Variants in RNF39 observed in about 807,000 individuals in gnomAD.
RNF39 encodes the protein LTP (long-term potentiation) induced RING finger protein.
In RNF39, 25 loss-of-function variants were observed where a neutral mutation model predicts 29.2. The ratio of observed to expected loss-of-function variants is 0.86; its 90% CI spans 0.62 to 1.20. The LOEUF is 1.20. Ranked by LOEUF, RNF39 falls within the 50% of genes most tolerant of loss-of-function variation. The probability of loss-of-function intolerance (pLI) is 0.00; values close to 1 mark genes in which losing one functional copy is unlikely to be tolerated. For synonymous variants in RNF39, 219 were observed against 229.0 expected (o/e 0.96, Z 0.40); for missense variants, 519 against 515.0 (o/e 1.01, Z -0.08).
At chr6:30,073,956 A>G (rs996007710) in intron 1 of RNF39, among the ~76,000 whole-genome samples, 3 of 152,172 alleles carry the variant, frequency 2.0e-5, no homozygotes, top group African/African-American at 2.4e-5. Context: ...CCCTCGGGCT[A>G]AGAGTTGGTA....
At position 30,071,790 on chromosome 6, in the gene RNF39, T is replaced by A. The variant is rs200791004; in HGVS notation, c.479-99A>T. 1.1e-6 allele frequency: 1 copy of A among 894,896 alleles called. No homozygotes were observed. The highest frequency in any genetic ancestry group is 1.5e-6 in the Non-Finnish European group (1 of 688,822). The allele number at this position is 894,896 out of a possible 1,614,324, so 55.4% of individuals were successfully genotyped here. A position where few individuals can be genotyped will look rare whatever the true frequency, so the allele number is the denominator to read the frequency against. ...AGTCAACGAAGATCACGTAAAAGACTGAGAGCTAGTGACCACACAACAGCT... is the reference window on the plus strand; with the variant it reads ...AGTCAACGAAGATCACGTAAAAGACAGAGAGCTAGTGACCACACAACAGCT... On this transcript the variant is annotated intron_variant, in intron 3 of 3. Transcript: ENST00000244360. This position sits in a 1 kb window ranked among gnomAD's most constrained non-coding sequence, Gnocchi z 5.0.
Position 30,071,583 on chromosome 6 carries a change from G to A in RNF39, c.587C>T (p.Pro196Leu). 5 of 1,476,058 alleles carry A rather than the reference G, an allele frequency of 3.4e-6. No homozygotes were observed. Among genetic ancestry groups the A allele is most frequent in the Non-Finnish European group, 4.5e-6 (5 of 1,120,032 alleles). The allele number at this position is 1,476,058 out of a possible 1,614,324, so 91.4% of individuals were successfully genotyped here. ...AGCTGGGAGCTGATCGAAGCGCTTG[G>A]GGCCGTCAGGGGGCGCGGGCGTCCC... Reference protein sequence around the residue: ...PPGTPAPPDGPKRFDQLPAVL... With the variant: ...PPGTPAPPDGLKRFDQLPAVL... Residue 196 changes from proline to leucine, a missense_variant, in exon 4 of 4, where the codon CCC becomes CTC. Transcript: ENST00000244360. The surrounding 1 kb of genome is among the most constrained non-coding windows in gnomAD (Gnocchi z 5.0).
rs1018421216 is a variant in RNF39, at chr6:30,074,502, C to T, written c.363+721G>A. Among the ~76,000 whole-genome samples, 1 of 151,976 alleles carries T rather than the reference C, an allele frequency of 6.6e-6. No individual in the cohort carries two copies. Among genetic ancestry groups the T allele is most frequent in the Non-Finnish European group, 1.5e-5 (1 of 67,958 alleles). On this transcript the variant is annotated intron_variant, in intron 1 of 3. Transcript: ENST00000244360. This position sits in a 1 kb window ranked among gnomAD's most constrained non-coding sequence, Gnocchi z 4.1. ...CCCCAGCGGCTGTTCTCCCGCACCT[C>T]GCCTCCACCCCTGGCCGCTCCTGCC...
Position 30,071,130 on chromosome 6 carries a change from A to G in RNF39, c.1040T>C (p.Ile347Thr). 1 of 1,555,566 alleles carries G rather than the reference A, an allele frequency of 6.4e-7. No individual in the cohort carries two copies. The highest frequency in any genetic ancestry group is 8.7e-7 in the Non-Finnish European group (1 of 1,150,614). Reference protein sequence around the residue: ...CTCDPRAPLRIVPAES With the variant: ...CTCDPRAPLRTVPAES The stretch of plus-strand genomic sequence containing the variant: ...CGAGACTCAGCTTTCCGCTGGTACA[A>G]TGCGGAGCGGAGCACGAGGGTCGCA... The change falls in exon 4 of 4, where the codon ATT (isoleucine) becomes ACT (threonine). Residue 347 changes from isoleucine (I) to threonine (T), a missense_variant. By Grantham distance (89) the Ile-to-Thr change is moderately conservative. Transcript: ENST00000244360. The surrounding 1 kb of genome is among the most constrained non-coding windows in gnomAD (Gnocchi z 5.0).
chr6:30,071,497 C>T lies in RNF39; in HGVS notation c.673G>A (p.Ala225Thr), dbSNP rs765018847. 5.8e-6 allele frequency: 9 copies of T among 1,551,482 alleles called. No individual in the cohort carries two copies. The African/African-American group carries it at 9.6e-5, about 17-fold the overall frequency. The change falls in exon 4 of 4, where the codon GCC becomes ACC. Residue 225 changes from alanine to threonine, a missense_variant. Transcript: ENST00000244360. This position sits in a 1 kb window ranked among gnomAD's most constrained non-coding sequence, Gnocchi z 5.0. ...RHCWEVETAD[A>T]ASCRDSSGED... The stretch of plus-strand genomic sequence containing the variant: ...CCAGAAGAGTCTCTGCAGGAGGCGG[C>T]GTCCGCAGTCTCCACCTCCCAGCAG...
In RNF39 at chr6:30,075,733, T is replaced by C. The variant is rs1766393716; in HGVS notation, c.-148A>G. 6.2e-7 allele frequency: 1 copy of C among 1,614,218 alleles called. No individual in the cohort carries two copies. The highest frequency in any genetic ancestry group is 1.3e-5 in the African/African-American group (1 of 75,064). ...CTTTTGCCGCTTTCCGCCCCTCTCC[T>C]GGGATTGCCTCTCTCTTCAACCAGA... On this transcript the variant is annotated 5_prime_UTR_variant, in exon 1 of 4. Transcript: ENST00000244360.
In RNF39 at chr6:30,071,191, G is replaced by C; in HGVS notation, c.979C>G (p.Pro327Ala). The C allele has an allele frequency of 6.6e-7, 1 of 1,519,486 alleles. No homozygotes were observed. Among genetic ancestry groups the C allele is most frequent in the Non-Finnish European group, 8.8e-7 (1 of 1,136,836 alleles). The allele number at this position is 1,519,486 out of a possible 1,614,324, so 94.1% of individuals were successfully genotyped here. A position where few individuals can be genotyped will look rare whatever the true frequency, so the allele number is the denominator to read the frequency against. Reference sequence around the variant, plus strand: ...AGCGGGAAGATGCGCTCCCCCAGGGGGCCAGGCGCCTGGAAGGCGTAAAGC... The same window carrying C: ...AGCGGGAAGATGCGCTCCCCCAGGGCGCCAGGCGCCTGGAAGGCGTAAAGC... ...DLLYAFQAPG[P>A]LGERIFPLFC... is the part of the protein sequence containing the mutation. Residue 327 changes from proline to alanine, a missense_variant, in exon 4 of 4, where the codon CCC becomes GCC. Pro to Ala is a conservative substitution (Grantham distance 27, BLOSUM62 -1). Coordinates refer to ENST00000244360, the MANE Select transcript of RNF39 (RefSeq NM_025236.4). The surrounding 1 kb of genome is among the most constrained non-coding windows in gnomAD (Gnocchi z 5.0).
rs576529970 is a variant in RNF39 at position 30,070,815 on chromosome 6, T to C, written c.*296A>G. On this transcript the variant is annotated 3_prime_UTR_variant, in exon 4 of 4. Transcript: ENST00000244360. Reference sequence around the variant, plus strand: ...TACCAATACTGATGGGGAGGGCCTGTTCCCCATTGCAGGCCTAGAATGGTT... The same window carrying C: ...TACCAATACTGATGGGGAGGGCCTGCTCCCCATTGCAGGCCTAGAATGGTT... 3.1e-6 allele frequency: 2 copies of C among 649,524 alleles called. No homozygotes were observed. The highest frequency in any genetic ancestry group is 6.2e-5 in the East Asian group (2 of 32,414). The allele number at this position is 649,524 out of a possible 1,614,324, so 40.2% of individuals were successfully genotyped here.
rs1475366383 is a variant in RNF39 at position 30,074,646 on chromosome 6, G to T, written c.363+577C>A. Among the ~76,000 whole-genome samples the T allele has an allele frequency of 6.6e-6, 1 of 151,916 alleles. No individual in the cohort carries two copies. Among genetic ancestry groups the T allele is most frequent in the African/African-American group, 2.4e-5 (1 of 41,356 alleles). ...AGGTTTGGATATGCCCCAACCCCTT[G>T]CTCCCTTCCTCCATCCTCTTGTCAG... On this transcript the variant is annotated intron_variant, in intron 1 of 3. Coordinates refer to ENST00000244360, the MANE Select transcript of RNF39 (RefSeq NM_025236.4). This position sits in a 1 kb window ranked among gnomAD's most constrained non-coding sequence, Gnocchi z 4.1.
intron 1 of RNF39, among the ~76,000 whole-genome samples, chr6:30,075,014 G>T (rs1484417271): frequency 6.6e-6 from 1 of 152,100 alleles, no homozygotes; most frequent in Non-Finnish European, 1.5e-5. Flanking sequence ...CTCCCCTGTG[G>T]ACCAAGTGTC....
At position 30,071,789 on chromosome 6, in the gene RNF39, C is replaced by CT; in HGVS notation, c.479-99dup. 9.2e-7 allele frequency: 1 copy of CT among 1,087,164 alleles called. No homozygotes were observed. Among genetic ancestry groups the CT allele is most frequent in the Non-Finnish European group, 1.2e-6 (1 of 806,864 alleles). The allele number at this position is 1,087,164 out of a possible 1,614,324, so 67.3% of individuals were successfully genotyped here. On this transcript the variant is annotated intron_variant, in intron 3 of 3. Transcript: ENST00000244360. This position sits in a 1 kb window ranked among gnomAD's most constrained non-coding sequence, Gnocchi z 5.0. ...TAGTCAACGAAGATCACGTAAAAGA[C>CT]TGAGAGCTAGTGACCACACAACAGC...
rs1561984129 is a variant in RNF39 at position 30,073,261 on chromosome 6, G to T, written c.387-13C>A. ...TGGGACTTCAAATCTACACAGATGA[G>T]GGGAAGGGTCAGGAAATCAGCCCTC... On this transcript the variant is annotated splice_polypyrimidine_tract_variant and intron_variant, in intron 2 of 3. Transcript: ENST00000244360. The T allele has an allele frequency of 6.3e-7, 1 of 1,585,600 alleles. No individual in the cohort carries two copies. Among genetic ancestry groups the T allele is most frequent in the Non-Finnish European group, 8.7e-7 (1 of 1,154,510 alleles).
Position 30,074,377 on chromosome 6 carries a change from G to A in RNF39, c.363+846C>T, listed in dbSNP as rs1000302971. Reference sequence around the variant, plus strand: ...GTCCCAGACGCCCAGGGGTCGGTCGGGCAAGGGAATGGGCTGGTTAGTGGC... The same window carrying A: ...GTCCCAGACGCCCAGGGGTCGGTCGAGCAAGGGAATGGGCTGGTTAGTGGC... On this transcript the variant is annotated intron_variant, in intron 1 of 3. Coordinates refer to ENST00000244360, the MANE Select transcript of RNF39 (RefSeq NM_025236.4). This position sits in a 1 kb window ranked among gnomAD's most constrained non-coding sequence, Gnocchi z 4.1. 1.3e-5 allele frequency among the ~76,000 whole-genome samples: 2 copies of A among 152,168 alleles called. No homozygotes were observed. The highest frequency in any genetic ancestry group is 4.8e-5 in the African/African-American group (2 of 41,436).
chr6:30,071,659 G>A lies in RNF39; in HGVS notation c.511C>T (p.Arg171Cys). 7.0e-7 allele frequency: 1 copy of A among 1,430,838 alleles called. No homozygotes were observed. The highest frequency in any genetic ancestry group is 1.4e-5 in the South Asian group (1 of 69,202). The allele number at this position is 1,430,838 out of a possible 1,614,324, so 88.6% of individuals were successfully genotyped here. A position where few individuals can be genotyped will look rare whatever the true frequency, so the allele number is the denominator to read the frequency against. ...CGGTCGGCGGAGATGAGCAGGCGGC[G>A]GTGTGCGGTCCCAGGGTCCAGGGTC... ...DLTLDPGTAHRRLLISADRRS... is the reference protein window; with the variant it reads ...DLTLDPGTAHCRLLISADRRS... The change falls in exon 4 of 4, where the codon CGC becomes TGC. Residue 171 changes from arginine (R) to cysteine (C), a missense_variant. Physicochemically the swap from Arg to Cys is radical, Grantham distance 180 (BLOSUM62 -3). Coordinates refer to ENST00000244360, the MANE Select transcript of RNF39 (RefSeq NM_025236.4). The surrounding 1 kb of genome is among the most constrained non-coding windows in gnomAD (Gnocchi z 5.0).
rs887516187 is a variant in RNF39, at chr6:30,075,716, G to A, written c.-131C>T. ...TCCGACTCCCGCATTAACTTTTGCC[G>A]CTTTCCGCCCCTCTCCTGGGATTGC... On this transcript the variant is annotated 5_prime_UTR_variant, in exon 1 of 4. Coordinates refer to ENST00000244360, the MANE Select transcript of RNF39 (RefSeq NM_025236.4). The A allele has an allele frequency of 2.7e-5, 44 of 1,613,996 alleles. No individual in the cohort carries two copies. Among genetic ancestry groups the A allele is most frequent in the Non-Finnish European group, 3.5e-5 (41 of 1,180,024 alleles).
chr6:30,071,723 TGA>T lies in RNF39; in HGVS notation c.479-34_479-33del, dbSNP rs1257172151. 2.2e-6 allele frequency: 3 copies of T among 1,381,424 alleles called. No homozygotes were observed. The allele number at this position is 1,381,424 out of a possible 1,614,324, so 85.6% of individuals were successfully genotyped here. ...ACGGGGAGGCAGGGAGAGGACCTCATGAGAGAGTTTTCTAAATCACAGGCGGG... is the reference window on the plus strand; with the variant it reads ...ACGGGGAGGCAGGGAGAGGACCTCATGAGAGTTTTCTAAATCACAGGCGGG... On this transcript the variant is annotated intron_variant, in intron 3 of 3. Coordinates refer to ENST00000244360, the MANE Select transcript of RNF39 (RefSeq NM_025236.4). This position sits in a 1 kb window ranked among gnomAD's most constrained non-coding sequence, Gnocchi z 5.0.
At position 30,071,078 on chromosome 6, in the gene RNF39, T is replaced by G; in HGVS notation, c.*33A>C. On this transcript the variant is annotated 3_prime_UTR_variant, in exon 4 of 4. Transcript: ENST00000244360. This position sits in a 1 kb window ranked among gnomAD's most constrained non-coding sequence, Gnocchi z 5.0. ...CCCCAAAAAGCAGCTGCAGGGCCAGTGGCCGGGCCAAACTTCTAGTTGGAG... is the reference window on the plus strand; with the variant it reads ...CCCCAAAAAGCAGCTGCAGGGCCAGGGGCCGGGCCAAACTTCTAGTTGGAG... The G allele has an allele frequency of 6.6e-7, 1 of 1,514,620 alleles. No individual in the cohort carries two copies. The highest frequency in any genetic ancestry group is 9.0e-7 in the Non-Finnish European group (1 of 1,114,228). The allele number at this position is 1,514,620 out of a possible 1,614,324, so 93.8% of individuals were successfully genotyped here.
At chr6:30,075,172 C>T (rs773538321) in intron 1 of RNF39, 51 bp downstream of exon 1, 4 of 1,504,296 alleles carry the variant, frequency 2.7e-6, no homozygotes, top group Non-Finnish European at 2.7e-6. Context: ...CCGGCTTCCC[C>T]GGGAACCTCC....
Position 30,071,458 on chromosome 6 carries a change from C to T in RNF39, c.712G>A (p.Asp238Asn), listed in dbSNP as rs1385343361. 1.9e-6 allele frequency: 3 copies of T among 1,558,756 alleles called. No homozygotes were observed. The highest frequency in any genetic ancestry group is 2.6e-6 in the Non-Finnish European group (3 of 1,160,302). Residue 238 changes from aspartate to asparagine, a missense_variant, in exon 4 of 4, where the codon GAC (aspartate) becomes AAC (asparagine). Physicochemically the swap from Asp to Asn is conservative, Grantham distance 23 (BLOSUM62 1). Transcript: ENST00000244360. This position sits in a 1 kb window ranked among gnomAD's most constrained non-coding sequence, Gnocchi z 5.0. The part of the protein sequence containing the change: ...CRDSSGEDAD[D>N]EESHYAVGAA... ...CCCACTGCATAGTGGCTCTCCTCGT[C>T]GTCCGCATCCTCCCCAGAAGAGTCT...
Sources: gnomAD v4.1 joint callset for allele counts (sites outside exome capture counted in the v4.1 genomes callset) on GRCh38, gnomAD v4.1.1 for gene constraint, Gnocchi (gnomAD v3.1) non-coding constraint, MANE v1.5 for transcripts, NCBI Gene and HGNC (gene_info 2026-07-23, HGNC 2026-07-21) for gene names.